Variants in MEI4 observed in about 807,000 individuals in gnomAD.
The protein encoded by MEI4 is meiotic double-stranded break formation protein 4.
MEI4 carries 27 observed loss-of-function variants against 31.4 expected under a neutral mutation model. The observed-to-expected ratio is 0.86, with a 90% confidence interval of 0.63 to 1.19. The LOEUF is 1.19. Ranked by LOEUF, MEI4 falls within the 50% of genes most tolerant of loss-of-function variation. The pLI, the probability that MEI4 is intolerant of heterozygous loss-of-function variation, is 0.00. For missense variants in MEI4, 329 were observed against 398.9 expected (o/e 0.82, Z 1.49); for synonymous variants, 122 against 145.4 (o/e 0.84, Z 1.16).
At chr6:77,883,717 G>GAGATATATATATAT (rs1554172068) in intron 4 of MEI4, among the ~76,000 whole-genome samples, 8 of 43,324 alleles carry the variant, frequency 1.8e-4, no homozygotes, top group East Asian at 1.4e-3. Flanking sequence ...TATTATGTAA[G>GAGATATATATATAT]ATATATATAT....
In MEI4 at chr6:77,924,478, A is replaced by G. The variant is rs1766798114; in HGVS notation, c.*1132A>G. The G allele has an allele frequency of 6.6e-6, 1 of 151,704 alleles. No individual in the cohort carries two copies. The highest frequency in any genetic ancestry group is 2.4e-5 in the African/African-American group (1 of 41,254). 9.4% of individuals were successfully genotyped at this position (151,704 alleles called of 1,614,324 possible). A position where few individuals can be genotyped will look rare whatever the true frequency, so the allele number is the denominator to read the frequency against. ...TTGTTATGTGACAGATAGATAATCA[A>G]TCACAAAATATCTATCAGTGGCATA... On this transcript the variant is annotated 3_prime_UTR_variant, in exon 5 of 5. Coordinates refer to ENST00000684080, the MANE Select transcript of MEI4 (RefSeq NM_001322247.2).
At chr6:77,821,575 C>A (rs1302435805) in intron 3 of MEI4, among the ~76,000 whole-genome samples, 1 of 151,988 alleles carries the variant, frequency 6.6e-6, no homozygotes, top group Admixed American at 6.6e-5. Flanking sequence ...ACAGGTGGAT[C>A]ACCTGAGGTC....
intron 2 of MEI4, among the ~76,000 whole-genome samples, chr6:77,745,651 A>C (rs957345279): frequency 1.3e-5 from 2 of 152,154 alleles, no homozygotes; most frequent in Non-Finnish European, 2.9e-5. Context: ...CTCCACCCCA[A>C]ATCAACAGAA....
At chr6:77,803,473 G>A (rs553450528) in intron 3 of MEI4, among the ~76,000 whole-genome samples, 17 of 152,144 alleles carry the variant, frequency 1.1e-4, no homozygotes, top group South Asian at 4.1e-4. Context: ...CTCTCAACTC[G>A]TCAAAGTCAT....
chr6:77,802,177 A>G (rs530096409), intron 3 of MEI4, among the ~76,000 whole-genome samples: 1 of 152,308 alleles, frequency 6.6e-6, no homozygotes, highest in South Asian at 2.1e-4. Context: ...ATATATAGTT[A>G]TGATAGTTAG....
intron 2 of MEI4, among the ~76,000 whole-genome samples, chr6:77,697,775 T>A (rs1766091071): frequency 2.0e-5 from 3 of 152,214 alleles, no homozygotes; most frequent in Admixed American, 1.3e-4. Flanking sequence ...TGTAGATGTC[T>A]ATTAGGTCCG....
At chr6:77,910,687 G>A (rs13190725) in intron 4 of MEI4, among the ~76,000 whole-genome samples, 14,021 of 152,046 alleles carry the variant, frequency 0.092, 942 homozygotes, top group East Asian at 0.31. Flanking sequence ...GTTTCTTCAC[G>A]AATTGGGTAT....
At chr6:77,714,735 C>G (rs1766542020) in intron 2 of MEI4, among the ~76,000 whole-genome samples, 1 of 152,198 alleles carries the variant, frequency 6.6e-6, no homozygotes, top group Non-Finnish European at 1.5e-5. Flanking sequence ...ACTTTCTCCA[C>G]ACCATTGCTT....
At chr6:77,791,612 C>T (rs908539569) in intron 3 of MEI4, among the ~76,000 whole-genome samples, 1 of 148,248 alleles carries the variant, frequency 6.7e-6, no homozygotes, top group African/African-American at 2.5e-5. Context: ...AGCGCACCAG[C>T]ATGGCACATG....
At chr6:77,800,696 C>T (rs541583656) in intron 3 of MEI4, among the ~76,000 whole-genome samples, 1 of 150,798 alleles carries the variant, frequency 6.6e-6, no homozygotes, top group Admixed American at 6.6e-5. Flanking sequence ...GAATTTTTAG[C>T]ATGAAGTGCT....
intron 4 of MEI4, among the ~76,000 whole-genome samples, chr6:77,881,626 C>T (rs1385589383): frequency 6.6e-6 from 1 of 151,904 alleles, no homozygotes; most frequent in Non-Finnish European, 1.5e-5. Flanking sequence ...TGCTCCTCAT[C>T]TGTTGGTTAT....
chr6:77,729,987 T>C (rs1374388766), intron 2 of MEI4, among the ~76,000 whole-genome samples: 3 of 151,916 alleles, frequency 2.0e-5, no homozygotes, highest in Admixed American at 1.3e-4. Flanking sequence ...GCAGCATAGA[T>C]GTGAGCAATT....
intron 4 of MEI4, among the ~76,000 whole-genome samples, chr6:77,846,266 T>A (rs907019041): frequency 6.6e-6 from 1 of 152,112 alleles, no homozygotes; most frequent in African/African-American, 2.4e-5. Context: ...AATTCTTTTT[T>A]AATTCTGTCC....
upstream of MEI4, among the ~76,000 whole-genome samples, chr6:77,650,407 TC>T (rs976532661): frequency 6.6e-6 from 1 of 152,092 alleles, no homozygotes; most frequent in African/African-American, 2.4e-5. Context: ...CTCCCTCACT[TC>T]CCCCACGAGT....
At chr6:77,775,037 A>T (rs1768403891) in intron 3 of MEI4, among the ~76,000 whole-genome samples, 1 of 152,066 alleles carries the variant, frequency 6.6e-6, no homozygotes, top group Non-Finnish European at 1.5e-5. Flanking sequence ...TGTCTGCTCC[A>T]TCTTCACATA....
chr6:77,775,022 A>G (rs1234880211), intron 3 of MEI4, among the ~76,000 whole-genome samples: 3 of 152,044 alleles, frequency 2.0e-5, no homozygotes, highest in Non-Finnish European at 4.4e-5. Context: ...TTGTGGCTGA[A>G]TCTCTGTCTG....
chr6:77,741,267 T>C (rs1031789518), intron 2 of MEI4, among the ~76,000 whole-genome samples: 1 of 152,134 alleles, frequency 6.6e-6, no homozygotes, highest in Non-Finnish European at 1.5e-5. Context: ...GTGAAAGGCT[T>C]TCTGGGCAAA....
intron 3 of MEI4, among the ~76,000 whole-genome samples, chr6:77,827,734 C>G (rs1769989327): frequency 6.6e-6 from 1 of 152,066 alleles, no homozygotes; most frequent in Non-Finnish European, 1.5e-5. Context: ...TCCATGTCAG[C>G]CTTTCAAAAA....
At chr6:77,662,225 A>G (rs955649965) in intron 1 of MEI4, among the ~76,000 whole-genome samples, 6 of 152,160 alleles carry the variant, frequency 3.9e-5, no homozygotes, top group Non-Finnish European at 8.8e-5. Flanking sequence ...GGTAGCCTCA[A>G]TGATAGATGT....
Sources: allele counts gnomAD v4.1 joint callset (sites outside exome capture counted in the v4.1 genomes callset), GRCh38; gene constraint gnomAD v4.1.1; transcripts MANE v1.5; gene names NCBI Gene and HGNC (gene_info 2026-07-23, HGNC 2026-07-21).